CAMTA1: variants seen among roughly 807,000 people sequenced by gnomAD.
The protein encoded by CAMTA1 is calmodulin binding transcription activator 1.
Under a neutral mutation model 170.9 loss-of-function variants are expected in CAMTA1, and 27 were observed. The ratio of observed to expected loss-of-function variants is 0.16; its 90% CI spans 0.12 to 0.22. The LOEUF is 0.22. Ranked by LOEUF, CAMTA1 falls within the 10% of genes least tolerant of loss-of-function variation. CAMTA1 has a pLI of 1.00. For synonymous variants in CAMTA1, 833 were observed against 891.5 expected, an observed-to-expected ratio of 0.93 and a Z score of 1.17; for missense variants, 1,619 against 2,217.2, an observed-to-expected ratio of 0.73 and a Z score of 5.42.
At chr1:6,787,333 G>A in intron 1 of CAMTA1, among the ~76,000 whole-genome samples, 1 of 152,218 alleles carries the variant, frequency 6.6e-6, no homozygotes, top group Non-Finnish European at 1.5e-5. Context: ...TTTGGCTCTG[G>A]TGTTGTCTCT....
At chr1:7,196,693 A>T (rs1304272394) in intron 4 of CAMTA1, among the ~76,000 whole-genome samples, 2 of 152,254 alleles carry the variant, frequency 1.3e-5, no homozygotes, top group Non-Finnish European at 2.9e-5. Flanking sequence ...GTTGAGCAAT[A>T]AAGAGATGGG....
At chr1:7,252,650 A>T (rs1170426169) in intron 5 of CAMTA1, among the ~76,000 whole-genome samples, 1 of 152,208 alleles carries the variant, frequency 6.6e-6, no homozygotes, top group Non-Finnish European at 1.5e-5. Flanking sequence ...GGTGGTTCCC[A>T]TAGACTCAGC....
At chr1:7,035,210 C>T (rs6577407) in intron 3 of CAMTA1, among the ~76,000 whole-genome samples, 2 of 151,820 alleles carry the variant, frequency 1.3e-5, no homozygotes, top group Admixed American at 6.6e-5. Flanking sequence ...GAGACCACCT[C>T]ATCAACATGG....
intron 6 of CAMTA1, among the ~76,000 whole-genome samples, chr1:7,479,185 T>C (rs2093472716): frequency 6.6e-6 from 1 of 152,184 alleles, no homozygotes; most frequent in African/African-American, 2.4e-5. Context: ...GCACCATTAA[T>C]ATTTCAGTGG....
intron 6 of CAMTA1, among the ~76,000 whole-genome samples, chr1:7,610,397 T>C (rs1299078487): frequency 6.6e-6 from 1 of 152,002 alleles, no homozygotes. Flanking sequence ...TAAACATGGG[T>C]CAAATGAAGG....
At chr1:7,457,088 C>T (rs1429924659) in intron 5 of CAMTA1, among the ~76,000 whole-genome samples, 2 of 137,440 alleles carry the variant, frequency 1.5e-5, no homozygotes, top group Non-Finnish European at 3.1e-5. Context: ...CCTGCGCCAA[C>T]GTGCCCCTCA....
intron 3 of CAMTA1, among the ~76,000 whole-genome samples, chr1:6,962,420 T>A (rs1572059172): frequency 1.5e-5 from 2 of 137,274 alleles, no homozygotes; most frequent in African/African-American, 5.4e-5. Flanking sequence ...TTTGGCCTCT[T>A]CCCCGGGCCC....
chr1:7,254,272 C>T (rs908676900), intron 5 of CAMTA1, among the ~76,000 whole-genome samples: 11 of 152,220 alleles, frequency 7.2e-5, no homozygotes, highest in Non-Finnish European at 4.4e-5. Flanking sequence ...GCCCTCTCGG[C>T]TCTTAAGGCG....
intron 6 of CAMTA1, among the ~76,000 whole-genome samples, chr1:7,572,644 G>T (rs561325517): frequency 3.4e-4 from 52 of 152,140 alleles, no homozygotes; most frequent in Non-Finnish European, 6.6e-4. Context: ...GAGATTAGAT[G>T]GTTGTAGGTG....
At chr1:6,901,589 G>T (rs1039152999) in intron 3 of CAMTA1, among the ~76,000 whole-genome samples, 7 of 152,196 alleles carry the variant, frequency 4.6e-5, no homozygotes, top group African/African-American at 1.7e-4. Context: ...AGGATACACA[G>T]ATGGCAACTA....
At chr1:6,824,618 A>C (rs1473047275) in intron 2 of CAMTA1, among the ~76,000 whole-genome samples, 1 of 152,152 alleles carries the variant, frequency 6.6e-6, no homozygotes, top group Non-Finnish European at 1.5e-5. Context: ...TTGCTTTTGA[A>C]AGGATAAATC....
rs1336467540 is a variant in CAMTA1 at position 7,600,848 on chromosome 1, A to G, written c.511-39552A>G. On this transcript the variant is annotated intron_variant, in intron 6 of 22. Transcript: ENST00000303635. ...CCAAGGCAGAAGAATTTTTCTTAATACAGAACAAAATGAAAAGTCTCCCAT... is the reference window on the plus strand; with the variant it reads ...CCAAGGCAGAAGAATTTTTCTTAATGCAGAACAAAATGAAAAGTCTCCCAT... 2.0e-5 allele frequency among the ~76,000 whole-genome samples: 3 copies of G among 151,854 alleles called. No individual in the cohort carries two copies. The East Asian group carries it at 5.8e-4, about 29-fold the overall frequency.
chr1:6,822,575 G>A (rs2148476494), intron 2 of CAMTA1, among the ~76,000 whole-genome samples: 1 of 152,150 alleles, frequency 6.6e-6, no homozygotes, highest in African/African-American at 2.4e-5. Flanking sequence ...ACTGATCAAG[G>A]GGAACCCACT....
intron 3 of CAMTA1, among the ~76,000 whole-genome samples, chr1:7,013,334 G>C (rs1700094267): frequency 1.4e-5 from 2 of 147,758 alleles, no homozygotes; most frequent in Non-Finnish European, 3.0e-5. Flanking sequence ...TCATGCCTTA[G>C]CCTCCTGAGT....
intron 6 of CAMTA1, among the ~76,000 whole-genome samples, chr1:7,594,183 G>C: frequency 7.6e-6 from 1 of 130,954 alleles, no homozygotes; most frequent in Non-Finnish European, 1.6e-5. Flanking sequence ...AGAAAGAAAA[G>C]ACAAGAAAGG....
At chr1:7,285,690 G>T (rs1355895361) in intron 5 of CAMTA1, among the ~76,000 whole-genome samples, 1 of 152,204 alleles carries the variant, frequency 6.6e-6, no homozygotes, top group African/African-American at 2.4e-5. Context: ...GCGCACAGGT[G>T]AACCAGCTCC....
At position 7,435,842 on chromosome 1, in the gene CAMTA1, C is replaced by G. The variant is rs1002924459; in HGVS notation, c.439-31988C>G. 8.5e-5 allele frequency among the ~76,000 whole-genome samples: 13 copies of G among 152,196 alleles called. No homozygotes were observed. Among genetic ancestry groups the G allele is most frequent in the African/African-American group, 3.1e-4 (13 of 41,462 alleles). ...CCTCCCATTCCTGCACCCTTGCCTT[C>G]TGGCAGGGCTTGCATGCCTCCGAGC... On this transcript the variant is annotated intron_variant, in intron 5 of 22. Coordinates refer to ENST00000303635, the MANE Select transcript of CAMTA1 (RefSeq NM_015215.4). The surrounding 1 kb of genome is among the most constrained non-coding windows in gnomAD (Gnocchi z 4.4).
chr1:6,796,447 T>C (rs1488699231), intron 1 of CAMTA1, among the ~76,000 whole-genome samples: 2 of 152,194 alleles, frequency 1.3e-5, no homozygotes, highest in Non-Finnish European at 2.9e-5. Flanking sequence ...TAAAGTAGCA[T>C]TTCTTGTATA....
At chr1:6,854,201 A>G (rs1661420757) in intron 3 of CAMTA1, among the ~76,000 whole-genome samples, 1 of 152,216 alleles carries the variant, frequency 6.6e-6, no homozygotes, top group African/African-American at 2.4e-5. Context: ...CCTGTCTCGT[A>G]GGGATGTCAT....
Sources: allele counts gnomAD v4.1 joint callset (sites outside exome capture counted in the v4.1 genomes callset), GRCh38; gene constraint gnomAD v4.1.1; non-coding constraint Gnocchi (gnomAD v3.1); transcripts MANE v1.5; gene names NCBI Gene and HGNC (gene_info 2026-07-23, HGNC 2026-07-21).